The following LRRC63 variants were observed in gnomAD, a reference collection of about 807,000 sequenced individuals.
The protein encoded by LRRC63 is leucine-rich repeat-containing protein 63.
In LRRC63, 40 loss-of-function variants were observed where a neutral mutation model predicts 49.5. The observed-to-expected ratio is 0.81, with a 90% CI of 0.63 to 1.05. The LOEUF (loss-of-function observed/expected upper bound fraction) is 1.05. LRRC63 is among the 50% of genes least tolerant of loss of function. LRRC63 has a pLI of 0.00. For missense variants in LRRC63, 636 were observed against 663.1 expected, an observed-to-expected ratio of 0.96 and a Z score of 0.45; for synonymous variants, 191 against 221.1, an observed-to-expected ratio of 0.86 and a Z score of 1.21.
intron 5 of LRRC63, among the ~76,000 whole-genome samples, chr13:46,243,222 G>A (rs993075130): frequency 2.6e-5 from 4 of 152,130 alleles, no homozygotes; most frequent in Non-Finnish European, 5.9e-5. Flanking sequence ...TTTTCCTTGT[G>A]AGCAAAGTCA....
intron 7 of LRRC63, among the ~76,000 whole-genome samples, chr13:46,257,563 T>C (rs936459760): frequency 6.6e-6 from 1 of 152,134 alleles, no homozygotes; most frequent in African/African-American, 2.4e-5. Context: ...TAATAAGTGA[T>C]ATGAAAAAGA....
chr13:46,261,255 C>T (rs2047609034), intron 7 of LRRC63, among the ~76,000 whole-genome samples: 4 of 152,196 alleles, frequency 2.6e-5, no homozygotes, highest in Non-Finnish European at 4.4e-5. Context: ...AAATTCATGT[C>T]CTTATAGAAC....
At chr13:46,265,409 T>TA (rs1424262276) in intron 8 of LRRC63, among the ~76,000 whole-genome samples, 1 of 152,140 alleles carries the variant, frequency 6.6e-6, no homozygotes, top group Non-Finnish European at 1.5e-5. Context: ...GCTGGGCAGT[T>TA]ATAAAAAACA....
intron 5 of LRRC63, among the ~76,000 whole-genome samples, chr13:46,240,848 T>C (rs2047041540): frequency 6.6e-6 from 1 of 152,004 alleles, no homozygotes; most frequent in Non-Finnish European, 1.5e-5. Flanking sequence ...CACAAGCAAA[T>C]GGAAAAATGT....
At chr13:46,269,991 C>T (rs73470017) in intron 9 of LRRC63, 4,394 of 346,602 alleles carry the variant, frequency 0.013, 190 homozygotes, top group African/African-American at 0.083. Context: ...ATGGGTAGCA[C>T]TGAACCTTAT....
At chr13:46,212,956 C>G in intron 1 of LRRC63, 46 bp from the exon 2 acceptor site, 2 of 928,174 alleles carry the variant, frequency 2.2e-6, no homozygotes, top group Non-Finnish European at 3.3e-6. Context: ...TATTTTTCAA[C>G]AATTCAAACA....
At chr13:46,225,699 A>G (rs113509795) in intron 2 of LRRC63, among the ~76,000 whole-genome samples, 2,090 of 152,334 alleles carry the variant, frequency 0.014, 21 homozygotes, top group Middle Eastern at 0.027. Context: ...CCACTTAAGT[A>G]GGAAGCAAAC....
intron 8 of LRRC63, among the ~76,000 whole-genome samples, chr13:46,265,051 T>C (rs111238681): frequency 3.6e-4 from 54 of 152,094 alleles, no homozygotes; most frequent in African/African-American, 1.1e-3. Flanking sequence ...TCCCAGCTAC[T>C]CGTGAGACTG....
intron 9 of LRRC63, chr13:46,270,290 C>T: frequency 1.2e-6 from 1 of 840,902 alleles, no homozygotes; most frequent in Non-Finnish European, 2.1e-6. Context: ...TCAGATCAGT[C>T]CCAACTGTAG....
intron 7 of LRRC63, among the ~76,000 whole-genome samples, chr13:46,251,428 T>C (rs1294919827): frequency 6.6e-6 from 1 of 151,908 alleles, no homozygotes; most frequent in Admixed American, 6.6e-5. Context: ...TACATATGGG[T>C]ATTTTATTTC....
intron 4 of LRRC63, among the ~76,000 whole-genome samples, chr13:46,232,231 T>C (rs114881460): frequency 0.012 from 1,875 of 152,242 alleles, 41 homozygotes; most frequent in African/African-American, 0.042. Flanking sequence ...ACATCCAACA[T>C]TGGGGTTTAC....
At chr13:46,268,049 A>G (rs1594099073) in intron 9 of LRRC63, among the ~76,000 whole-genome samples, 1 of 152,348 alleles carries the variant, frequency 6.6e-6, no homozygotes, top group South Asian at 2.1e-4. Flanking sequence ...GCTTAAAGAA[A>G]TTTCCAAATA....
chr13:46,257,953 CA>C (rs1329729843), intron 7 of LRRC63, among the ~76,000 whole-genome samples: 8 of 151,838 alleles, frequency 5.3e-5, no homozygotes, highest in African/African-American at 1.9e-4. Context: ...GGTACCTTCT[CA>C]AAGTTTTACT....
At chr13:46,267,013 T>C in intron 9 of LRRC63, 41 bp downstream of exon 9, 1 of 1,474,400 alleles carries the variant, frequency 6.8e-7, no homozygotes, top group Non-Finnish European at 9.0e-7. Context: ...AATATACCTT[T>C]AAGCATTAAA....
intron 9 of LRRC63, among the ~76,000 whole-genome samples, chr13:46,272,746 G>C (rs759402166): frequency 2.0e-5 from 3 of 152,206 alleles, no homozygotes; most frequent in Non-Finnish European, 2.9e-5. Context: ...AAAACATTAT[G>C]ATGCTGTTAA....
At chr13:46,242,271 A>G (rs1410574252) in intron 5 of LRRC63, among the ~76,000 whole-genome samples, 1 of 152,176 alleles carries the variant, frequency 6.6e-6, no homozygotes, top group Admixed American at 6.5e-5. Context: ...TGATGAGAAC[A>G]CACGGACACA....
chr13:46,226,222 G>A (rs1355104108), intron 2 of LRRC63, among the ~76,000 whole-genome samples: 3 of 151,926 alleles, frequency 2.0e-5, no homozygotes, highest in Non-Finnish European at 4.4e-5. Context: ...GGCCTCAAGC[G>A]ATCCTGCTAT....
chr13:46,213,111 C>G (rs1313786354), exon 2 of LRRC63: 2 of 1,541,712 alleles, frequency 1.3e-6, no homozygotes, highest in Admixed American at 2.0e-5. Flanking sequence ...GAGAAAAAAA[C>G]CCATACAGGT....
chr13:46,228,209 G>A lies in LRRC63; in HGVS notation c.763+20G>A, dbSNP rs1035048897. On this transcript the variant is annotated intron_variant, in intron 3 of 9. Transcript: ENST00000595396. ...TGATAGGTAAATACAATCTGAACAC[G>A]GTATAATTATAGAGTCAAGTAGAGC... is the stretch of plus-strand genomic sequence containing the variant. 46 of 1,499,638 alleles carry A rather than the reference G, an allele frequency of 3.1e-5. No homozygotes were observed. The highest frequency in any genetic ancestry group is 3.8e-5 in the Non-Finnish European group (42 of 1,115,962). 92.9% of individuals were successfully genotyped at this position (1,499,638 alleles called of 1,614,324 possible).
Sources: gnomAD v4.1 joint callset for allele counts (sites outside exome capture counted in the v4.1 genomes callset) on GRCh38, gnomAD v4.1.1 for gene constraint, MANE v1.5 for transcripts, NCBI Gene and HGNC (gene_info 2026-07-23, HGNC 2026-07-21) for gene names.